The following MKLN1 variants were observed in gnomAD, a reference collection of about 807,000 sequenced individuals.
MKLN1 encodes the protein muskelin 1.
A neutral mutation model predicts 99.0 loss-of-function variants in MKLN1; 18 were observed. The observed-to-expected ratio is 0.18, with a 90% CI of 0.13 to 0.27. The LOEUF (loss-of-function observed/expected upper bound fraction) is 0.27, where lower values mean the gene tolerates loss of function less well. MKLN1 is among the 10% of genes least tolerant of loss of function. The pLI is 1.00. For missense variants in MKLN1, 621 were observed against 875.9 expected (o/e 0.71, Z 3.67); for synonymous variants, 288 against 293.2 (o/e 0.98, Z 0.18).
intron 9 of MKLN1, among the ~76,000 whole-genome samples, chr7:131,429,409 T>C (rs1795457322): frequency 6.6e-6 from 1 of 152,200 alleles, no homozygotes; most frequent in Non-Finnish European, 1.5e-5. Context: ...TAAACTGCTT[T>C]AGCCTAGAAA....
chr7:131,211,463 C>T (rs1796905024), intron 3 of MKLN1, among the ~76,000 whole-genome samples: 1 of 152,198 alleles, frequency 6.6e-6, no homozygotes, highest in African/African-American at 2.4e-5. Context: ...TCTGCCCTTA[C>T]TGAGAGTCTG....
At chr7:131,291,025 A>C in intron 3 of MKLN1, among the ~76,000 whole-genome samples, 1 of 152,176 alleles carries the variant, frequency 6.6e-6, no homozygotes. Context: ...CCCAAATCAC[A>C]TACCTAATAG....
At chr7:131,375,290 ACT>A (rs1793607490) in intron 1 of MKLN1, 132 bp from the exon 2 acceptor site, 4 of 599,044 alleles carry the variant, frequency 6.7e-6, no homozygotes, top group African/African-American at 1.9e-5. Context: ...TGCTTTTCTT[ACT>A]CTGTTTTGTT....
chr7:131,402,025 C>T (rs978107533), intron 6 of MKLN1, among the ~76,000 whole-genome samples: 2 of 152,160 alleles, frequency 1.3e-5, no homozygotes, highest in Non-Finnish European at 2.9e-5. Context: ...AAATTTGCTG[C>T]ATCAATGAGT....
At chr7:131,246,569 A>C (rs1411973007) in intron 3 of MKLN1, among the ~76,000 whole-genome samples, 1 of 151,466 alleles carries the variant, frequency 6.6e-6, no homozygotes, top group Non-Finnish European at 1.5e-5. Context: ...TTTGCCTTTT[A>C]ATTATTGAAC....
chr7:131,349,318 C>T (rs1799652508), intron 1 of MKLN1, among the ~76,000 whole-genome samples: 1 of 152,006 alleles, frequency 6.6e-6, no homozygotes, highest in Non-Finnish European at 1.5e-5. Flanking sequence ...GCCTCAGCCT[C>T]CTGAGTAGCT....
At chr7:131,197,417 A>C (rs535547145) in intron 2 of MKLN1, among the ~76,000 whole-genome samples, 1 of 98,596 alleles carries the variant, frequency 1.0e-5, no homozygotes, top group South Asian at 3.0e-4. Flanking sequence ...TATTATTATT[A>C]TTATTATTAT....
intron 3 of MKLN1, among the ~76,000 whole-genome samples, chr7:131,295,057 G>A (rs990369182): frequency 2.6e-5 from 4 of 152,170 alleles, no homozygotes; most frequent in Admixed American, 1.3e-4. Context: ...CCTCTACCGT[G>A]TGACAGGGGA....
At chr7:131,445,224 T>A (rs1383780280) in intron 11 of MKLN1, among the ~76,000 whole-genome samples, 4 of 151,358 alleles carry the variant, frequency 2.6e-5, no homozygotes, top group Non-Finnish European at 5.9e-5. Flanking sequence ...AATTTTAGAT[T>A]TTTTTTTTGA....
chr7:131,458,932 T>A (rs1343386797), intron 12 of MKLN1, among the ~76,000 whole-genome samples: 2 of 152,046 alleles, frequency 1.3e-5, no homozygotes, highest in African/African-American at 4.8e-5. Context: ...CTTTTAAGAG[T>A]CATGGTTTGA....
chr7:131,256,841 A>G (rs897383755), intron 3 of MKLN1, among the ~76,000 whole-genome samples: 2 of 152,170 alleles, frequency 1.3e-5, no homozygotes. Flanking sequence ...TTGAAAAACT[A>G]CCTATCAGGT....
chr7:131,205,387 C>T (rs980345948), intron 3 of MKLN1, among the ~76,000 whole-genome samples: 16 of 151,972 alleles, frequency 1.1e-4, no homozygotes, highest in East Asian at 3.8e-4. Flanking sequence ...ATTTGTTTTC[C>T]GATCGCTTCT....
rs183971030 is a variant in MKLN1 at position 131,437,217 on chromosome 7, C to G, written c.961-568C>G. ...TTAGGTATTTCTCCTAATGCTATCCCTCCCCCTGACCCCCACCCCTCGACA... is the reference window on the plus strand; with the variant it reads ...TTAGGTATTTCTCCTAATGCTATCCGTCCCCCTGACCCCCACCCCTCGACA... On this transcript the variant is annotated intron_variant, in intron 9 of 17. Coordinates refer to ENST00000352689, the MANE Select transcript of MKLN1 (RefSeq NM_013255.5). 1.6e-4 allele frequency among the ~76,000 whole-genome samples: 25 copies of G among 152,192 alleles called. No homozygotes were observed. In the East Asian group the frequency reaches 4.6e-3, roughly 28 times the overall value.
At chr7:131,473,143 G>T (rs1045525337) in intron 16 of MKLN1, among the ~76,000 whole-genome samples, 4 of 152,012 alleles carry the variant, frequency 2.6e-5, no homozygotes, top group African/African-American at 9.7e-5. Context: ...CTGTTTGGGG[G>T]GAAGAAATCC....
At chr7:131,330,480 C>T (rs981277824) in intron 1 of MKLN1, among the ~76,000 whole-genome samples, 4 of 152,182 alleles carry the variant, frequency 2.6e-5, no homozygotes, top group African/African-American at 9.7e-5. Context: ...CAAGAGGAAT[C>T]TCCGTTTGCC....
chr7:131,197,658 A>T (rs1016928694), intron 2 of MKLN1, among the ~76,000 whole-genome samples: 8 of 151,924 alleles, frequency 5.3e-5, no homozygotes, highest in African/African-American at 1.7e-4. Flanking sequence ...GACCTTGGAT[A>T]ATCATCCAGC....
chr7:131,176,816 T>C (rs1172219149), intron 2 of MKLN1, among the ~76,000 whole-genome samples: 2 of 152,232 alleles, frequency 1.3e-5, no homozygotes, highest in East Asian at 3.8e-4. Context: ...TTGAGGCCCA[T>C]TCGAGAAAAG....
rs145986206 is a variant in MKLN1 at position 131,162,120 on chromosome 7, G to T, written c.-297+19179G>T. Among the ~76,000 whole-genome samples, 320 of 151,082 alleles carry T rather than the reference G, an allele frequency of 2.1e-3. 3 individuals are homozygous for T. The highest frequency in any genetic ancestry group is 0.017 in the Middle Eastern group (5 of 288). ...ACGATCTAGGCTCACTGCAACCTCCGCCTCCTGAGTTCAAGCGATCCTCCT... is the reference window on the plus strand; with the variant it reads ...ACGATCTAGGCTCACTGCAACCTCCTCCTCCTGAGTTCAAGCGATCCTCCT... On this transcript the variant is annotated intron_variant, in intron 2 of 7. Coordinates refer to the MKLN1 transcript ENST00000416992.
chr7:131,131,730 T>C (rs1795554470), intron 1 of MKLN1, among the ~76,000 whole-genome samples: 1 of 152,202 alleles, frequency 6.6e-6, no homozygotes, highest in Admixed American at 6.5e-5. Flanking sequence ...CAAATTTTTT[T>C]ATTAAAAGAA....
Sources: allele counts gnomAD v4.1 joint callset (sites outside exome capture counted in the v4.1 genomes callset), GRCh38; gene constraint gnomAD v4.1.1; transcripts MANE v1.5; gene names NCBI Gene and HGNC (gene_info 2026-07-23, HGNC 2026-07-21).